DENND2C: variants seen among roughly 807,000 people sequenced by gnomAD.
The protein encoded by DENND2C is DENN domain containing 2C.
Under a neutral mutation model 112.4 loss-of-function variants are expected in DENND2C, and 72 were observed. The observed-to-expected ratio is 0.64, with a 90% CI of 0.53 to 0.78. The LOEUF is 0.78. Among genes scored for constraint, DENND2C ranks in the 30% least tolerant of loss-of-function variants. The pLI is 0.00. For synonymous variants in DENND2C, 329 were observed against 381.6 expected, an observed-to-expected ratio of 0.86 and a Z score of 1.61; for missense variants, 992 against 1,113.8, an observed-to-expected ratio of 0.89 and a Z score of 1.56.
intron 1 of DENND2C, among the ~76,000 whole-genome samples, chr1:114,668,161 G>A (rs1438684056): frequency 6.6e-6 from 1 of 152,058 alleles, no homozygotes; most frequent in Admixed American, 6.6e-5. Context: ...TAAGGTTTCA[G>A]ACCTCCAAGA....
chr1:114,636,603 G>A (rs1431840444), intron 3 of DENND2C, among the ~76,000 whole-genome samples: 1 of 152,146 alleles, frequency 6.6e-6, no homozygotes, highest in Non-Finnish European at 1.5e-5. Flanking sequence ...CAGTCTGAGA[G>A]GTCGAGGCTG....
At position 114,608,703 on chromosome 1, in the gene DENND2C, G is replaced by T. The variant is rs1347059591; in HGVS notation, c.1540C>A (p.Gln514Lys). ...GTGCCTACCTTGCCAGGGAATTGTT[G>T]TATGACCTGGGGAATATAGCTTATT... ...SGISYIPQVIQQFPGKDDHGY... is the reference protein window; with the variant it reads ...SGISYIPQVIKQFPGKDDHGY... Residue 514 changes from glutamine to lysine, a missense_variant, in exon 10 of 21, where the codon CAA (glutamine) becomes AAA (lysine). Around this residue, in one of 3 missense-constraint regions of DENND2C, gnomAD observed 516 missense variants for 623.6 expected, o/e 0.83. Coordinates refer to ENST00000393274, the MANE Select transcript of DENND2C (RefSeq NM_001256404.2). 1 of 1,613,888 alleles carries T rather than the reference G, an allele frequency of 6.2e-7. No homozygotes were observed. Among genetic ancestry groups the T allele is most frequent in the Non-Finnish European group, 8.5e-7 (1 of 1,179,940 alleles).
chr1:114,661,121 A>G (rs1657479367), intron 1 of DENND2C, among the ~76,000 whole-genome samples: 2 of 151,794 alleles, frequency 1.3e-5, no homozygotes, highest in Admixed American at 6.6e-5. Flanking sequence ...AAAAAAAAAA[A>G]AAAAAGAAAA....
At chr1:114,662,581 C>T (rs1230084843) in intron 1 of DENND2C, among the ~76,000 whole-genome samples, 5 of 151,236 alleles carry the variant, frequency 3.3e-5, no homozygotes, top group African/African-American at 1.2e-4. Flanking sequence ...TTAATATTGC[C>T]AGAACTAAAT....
At chr1:114,641,921 G>A (rs372312688) in intron 3 of DENND2C, among the ~76,000 whole-genome samples, 31 of 151,722 alleles carry the variant, frequency 2.0e-4, no homozygotes, top group Non-Finnish European at 3.4e-4. Flanking sequence ...ACTAGTTTCC[G>A]GTATATATCA....
chr1:114,595,482 CAAAAA>C (rs1200426049), intron 17 of DENND2C: 17 of 69,260 alleles, frequency 2.5e-4, no homozygotes, highest in South Asian at 9.1e-4. Context: ...GACTCCATCT[CAAAAA>C]AAAAAAAAAA....
chr1:114,625,174 C>T lies in DENND2C; in HGVS notation c.806+5G>A. Reference sequence around the variant, plus strand: ...CAAGTCTTTATCTGTAGGATAAAAACATACCTTTTAGATCTTCCTCTGATT... The same window carrying T: ...CAAGTCTTTATCTGTAGGATAAAAATATACCTTTTAGATCTTCCTCTGATT... On this transcript the variant is annotated splice_donor_5th_base_variant and intron_variant, in intron 4 of 20. Transcript: ENST00000393274. The T allele has an allele frequency of 6.3e-7, 1 of 1,594,928 alleles. No homozygotes were observed. The highest frequency in any genetic ancestry group is 8.5e-7 in the Non-Finnish European group (1 of 1,173,290).
intron 9 of DENND2C, 21 bp downstream of exon 9, chr1:114,611,052 C>A: frequency 6.2e-7 from 1 of 1,614,048 alleles, no homozygotes; most frequent in Non-Finnish European, 8.5e-7. Flanking sequence ...ACAACGGGAG[C>A]AGCCCCATTG....
chr1:114,640,124 T>C (rs1005702828), intron 3 of DENND2C, among the ~76,000 whole-genome samples: 2 of 152,230 alleles, frequency 1.3e-5, no homozygotes, highest in Non-Finnish European at 1.5e-5. Context: ...CAGATTCCAA[T>C]CTACATTTCA....
chr1:114,604,996 T>G lies in DENND2C; in HGVS notation c.1593A>C (p.Glu531Asp). ...ATTTTGGAATAACTTTAAGTCTCTC[T>G]TCCATGTCTTTGGACTGCTTATAGC... is the stretch of plus-strand genomic sequence containing the variant. The part of the protein sequence containing the change: ...DHGYKQSKDM[E>D]ERLKVIPKFC... Residue 531 changes from glutamate (E) to aspartate (D), a missense_variant, in exon 11 of 21, where the codon GAA (glutamate) becomes GAC (aspartate). Glu to Asp is a conservative substitution (Grantham distance 45). This residue lies in a region of DENND2C where 516 missense variants were observed against 623.6 expected (regional missense o/e 0.83). Transcript: ENST00000393274. The G allele has an allele frequency of 6.2e-7, 1 of 1,613,764 alleles. No individual in the cohort carries two copies. Among genetic ancestry groups the G allele is most frequent in the Non-Finnish European group, 8.5e-7 (1 of 1,179,928 alleles).
intron 8 of DENND2C, among the ~76,000 whole-genome samples, chr1:114,611,366 C>T (rs1436819319): frequency 6.7e-6 from 1 of 150,296 alleles, no homozygotes; most frequent in Non-Finnish European, 1.5e-5. Flanking sequence ...CCCCTCTCAT[C>T]CCTAATTCTA....
intron 3 of DENND2C, among the ~76,000 whole-genome samples, chr1:114,629,867 G>A (rs563327313): frequency 5.3e-5 from 8 of 152,152 alleles, no homozygotes. Context: ...GTCTTGGATA[G>A]GGCAAGTTTC....
rs1655460892 is a variant in DENND2C, at chr1:114,600,230, C to A, written c.2079G>T (p.Arg693Ser). 1.2e-6 allele frequency: 2 copies of A among 1,613,894 alleles called. No individual in the cohort carries two copies. The highest frequency in any genetic ancestry group is 1.7e-5 in the Admixed American group (1 of 60,002). Residue 693 changes from arginine (R) to serine (S), a missense_variant, in exon 15 of 21, where the codon AGG (arginine) becomes AGT (serine). By Grantham distance (110) the Arg-to-Ser change is moderately radical. Transcript: ENST00000393274. ...RVCASLLLER[R>S]VIFVANSLST... Reference sequence around the variant, plus strand: ...TTAGGCTGTTGGCAACAAAGATTACCCTACGCTCCAAAAGGAGAGAGGCAC... The same window carrying A: ...TTAGGCTGTTGGCAACAAAGATTACACTACGCTCCAAAAGGAGAGAGGCAC...
chr1:114,630,239 T>C (rs1433751312), intron 3 of DENND2C, among the ~76,000 whole-genome samples: 3 of 150,548 alleles, frequency 2.0e-5, no homozygotes, highest in Admixed American at 1.3e-4. Context: ...ACCCGGGAGG[T>C]AGAGGCTTCA....
intron 16 of DENND2C, among the ~76,000 whole-genome samples, chr1:114,597,986 G>A (rs1655390405): frequency 6.6e-6 from 1 of 152,138 alleles, no homozygotes; most frequent in African/African-American, 2.4e-5. Context: ...AAAAAGTGAT[G>A]GTGAAGACGT....
chr1:114,600,860 G>A lies in DENND2C; in HGVS notation c.1916C>T (p.Thr639Ile), dbSNP rs773662612. The A allele has an allele frequency of 1.2e-6, 2 of 1,613,984 alleles. No individual in the cohort carries two copies. The highest frequency in any genetic ancestry group is 1.1e-5 in the South Asian group (1 of 91,064). The part of the protein sequence containing the change: ...MEAPFPAPGR[T>I]ITVKSYLPGA... Reference sequence around the variant, plus strand: ...AGGGAGGTAACTCTTAACTGTGATGGTGCGTCCAGGAGCTGGGAAAGGAGC... The same window carrying A: ...AGGGAGGTAACTCTTAACTGTGATGATGCGTCCAGGAGCTGGGAAAGGAGC... The change falls in exon 14 of 21, where the codon ACC becomes ATC. Residue 639 changes from threonine (T) to isoleucine (I), a missense_variant. By Grantham distance (89) the Thr-to-Ile change is moderately conservative. This residue lies in a region of DENND2C where 516 missense variants were observed against 623.6 expected (regional missense o/e 0.83). Coordinates refer to ENST00000393274, the MANE Select transcript of DENND2C (RefSeq NM_001256404.2).
In DENND2C at chr1:114,601,562, G is replaced by C. The variant is rs1655505291; in HGVS notation, c.1761C>G (p.Leu587=). 6 of 1,612,974 alleles carry C rather than the reference G, an allele frequency of 3.7e-6. No homozygotes were observed. Among genetic ancestry groups the C allele is most frequent in the Non-Finnish European group, 4.2e-6 (5 of 1,179,562 alleles). ...KLLPVGKGKR[L]PEVYCMVSRL... is the part of the protein sequence containing the mutation. ...GACTAACCATGCAGTATACCTCAGG[G>C]AGTCGCTTTCCTTTGCCTACTGGCT... The change falls in exon 13 of 21, where the codon CTC becomes CTG. Residue 587 remains leucine, a synonymous_variant. Transcript: ENST00000393274.
chr1:114,612,720 G>A (rs576103224), intron 8 of DENND2C, among the ~76,000 whole-genome samples: 6 of 152,142 alleles, frequency 3.9e-5, no homozygotes, highest in Non-Finnish European at 7.4e-5. Context: ...GGGTTTCACC[G>A]TGTTGGTCAG....
intron 1 of DENND2C, among the ~76,000 whole-genome samples, chr1:114,667,791 T>C (rs1250826078): frequency 6.6e-6 from 1 of 152,214 alleles, no homozygotes; most frequent in Non-Finnish European, 1.5e-5. Context: ...GGAGAATGAC[T>C]GATTTGAATC....
Sources: gnomAD v4.1 joint callset for allele counts (sites outside exome capture counted in the v4.1 genomes callset) on GRCh38, gnomAD v4.1.1 for gene constraint, gnomAD v4.1.1 regional missense constraint, MANE v1.5 for transcripts, NCBI Gene and HGNC (gene_info 2026-07-23, HGNC 2026-07-21) for gene names.